The following SFSWAP variants were observed in gnomAD, a reference collection of about 807,000 sequenced individuals.
SFSWAP encodes the protein splicing factor SWAP.
SFSWAP carries 17 observed loss-of-function variants against 100.7 expected under a neutral mutation model. The ratio of observed to expected loss-of-function variants is 0.17; its 90% CI spans 0.12 to 0.25. SFSWAP has a LOEUF of 0.25. Among genes scored for constraint, SFSWAP ranks in the 10% least tolerant of loss-of-function variants. The pLI is 1.00. For synonymous variants in SFSWAP, 504 were observed against 510.1 expected (o/e 0.99, Z 0.16); for missense variants, 1,005 against 1,262.6 (o/e 0.80, Z 3.09).
chr12:131,764,806 TA>T, intron 12 of SFSWAP, 120 bp downstream of exon 12: 1 of 693,560 alleles, frequency 1.4e-6, no homozygotes, highest in Non-Finnish European at 2.5e-6. Context: ...GAAATCGACC[TA>T]TTTGGGAGTT....
intron 4 of SFSWAP, among the ~76,000 whole-genome samples, chr12:131,723,582 C>T (rs1406509741): frequency 6.6e-6 from 1 of 152,180 alleles, no homozygotes; most frequent in East Asian, 1.9e-4. Flanking sequence ...TCTCCCCTAA[C>T]CCCGTGAGGA....
intron 11 of SFSWAP, 119 bp downstream of exon 11, chr12:131,756,763 C>G (rs1882213620): frequency 1.2e-6 from 1 of 858,280 alleles, no homozygotes; most frequent in Admixed American, 3.0e-5. Context: ...TTGGCGGCCC[C>G]CTGGAGGTTG....
chr12:131,726,273 G>C lies in SFSWAP; in HGVS notation c.832+643G>C, dbSNP rs145387361. Among the ~76,000 whole-genome samples, 149 of 152,048 alleles carry C rather than the reference G, an allele frequency of 9.8e-4. 1 individual carries two copies. The highest frequency in any genetic ancestry group is 9.3e-3 in the Admixed American group (142 of 15,286). ...GGCTGGAGTGCAATGGCGTGAGCGC[G>C]ATCTTGGCTTACTGCAACCTCCGCC... On this transcript the variant is annotated intron_variant, in intron 5 of 17. Coordinates refer to ENST00000261674, the MANE Select transcript of SFSWAP (RefSeq NM_004592.4).
intron 13 of SFSWAP, among the ~76,000 whole-genome samples, chr12:131,776,458 T>C (rs928480375): frequency 1.3e-5 from 2 of 152,242 alleles, no homozygotes; most frequent in Non-Finnish European, 2.9e-5. Context: ...CATCTTAAAT[T>C]GGGGCCTGCC....
Position 131,711,201 on chromosome 12 carries a change from G to A in SFSWAP, c.-29G>A. ...CAGGGACGTCGCGCGGCACAGAAGA[G>A]GACCAGCCTGGACGCCGGGGACGCT... On this transcript the variant is annotated 5_prime_UTR_variant, in exon 1 of 18. Coordinates refer to ENST00000261674, the MANE Select transcript of SFSWAP (RefSeq NM_004592.4). The surrounding 1 kb of genome is among the most constrained non-coding windows in gnomAD (Gnocchi z 4.9). 1 of 1,548,574 alleles carries A rather than the reference G, an allele frequency of 6.5e-7. No individual in the cohort carries two copies. The highest frequency in any genetic ancestry group is 1.2e-5 in the South Asian group (1 of 84,598).
intron 3 of SFSWAP, 51 bp downstream of exon 3, chr12:131,715,004 C>T: frequency 6.2e-7 from 1 of 1,600,474 alleles, no homozygotes; most frequent in Non-Finnish European, 8.5e-7. Context: ...CGTGTACGCA[C>T]AGGCTGCATG....
rs1879376509 is a variant in SFSWAP at position 131,730,278 on chromosome 12, A to C, written c.1081+1850A>C. Among the ~76,000 whole-genome samples, 1 of 152,192 alleles carries C rather than the reference A, an allele frequency of 6.6e-6. No individual in the cohort carries two copies. Among genetic ancestry groups the C allele is most frequent in the Non-Finnish European group, 1.5e-5 (1 of 68,034 alleles). ...GCCCAGGATGCCTGCCCACTGAGGGACCATCCCTCTGCTTCCTCCTTTCCT... is the reference window on the plus strand; with the variant it reads ...GCCCAGGATGCCTGCCCACTGAGGGCCCATCCCTCTGCTTCCTCCTTTCCT... On this transcript the variant is annotated intron_variant, in intron 7 of 17. Coordinates refer to ENST00000261674, the MANE Select transcript of SFSWAP (RefSeq NM_004592.4). This position sits in a 1 kb window ranked among gnomAD's most constrained non-coding sequence, Gnocchi z 4.0.
intron 7 of SFSWAP, among the ~76,000 whole-genome samples, chr12:131,747,264 G>A (rs993708782): frequency 6.6e-6 from 1 of 152,176 alleles, no homozygotes; most frequent in Non-Finnish European, 1.5e-5. Flanking sequence ...GAGCCAGACA[G>A]TGACAGTGGA....
At chr12:131,791,747 A>G (rs1885242024) in intron 15 of SFSWAP, among the ~76,000 whole-genome samples, 1 of 152,264 alleles carries the variant, frequency 6.6e-6, no homozygotes, top group South Asian at 2.1e-4. Context: ...GTCTCAAAAA[A>G]CAAAAAGAAA....
chr12:131,776,625 T>C lies in SFSWAP; in HGVS notation c.2143-1440T>C, dbSNP rs371081389. Among the ~76,000 whole-genome samples, 175 of 152,318 alleles carry C rather than the reference T, an allele frequency of 1.1e-3. 7 individuals carry two copies. The South Asian group carries it at 0.034, about 29-fold the overall frequency. ...AGGGAGGGAAGCCCCCTTACCACTT[T>C]GCCTTTCACAGATGCCGTCCTGCGC... On this transcript the variant is annotated intron_variant, in intron 13 of 17. Coordinates refer to ENST00000261674, the MANE Select transcript of SFSWAP (RefSeq NM_004592.4).
chr12:131,773,076 G>A (rs1399399719), intron 13 of SFSWAP, among the ~76,000 whole-genome samples: 1 of 152,128 alleles, frequency 6.6e-6, no homozygotes, highest in African/African-American at 2.4e-5. Flanking sequence ...CACAGGATAG[G>A]GGGCAGAGCA....
rs1884239240 is a variant in SFSWAP at position 131,778,898 on chromosome 12, C to T, written c.2408+568C>T. On this transcript the variant is annotated intron_variant, in intron 14 of 17. Coordinates refer to ENST00000261674, the MANE Select transcript of SFSWAP (RefSeq NM_004592.4). The surrounding 1 kb of genome is among the most constrained non-coding windows in gnomAD (Gnocchi z 4.2). The stretch of plus-strand genomic sequence containing the variant: ...TTTAAATTCTAATGGTTCCTGGAAG[C>T]AAGCCTACCACATTTGCCGATTGTG... Among the ~76,000 whole-genome samples, 2 of 151,964 alleles carry T rather than the reference C, an allele frequency of 1.3e-5. No homozygotes were observed. Among genetic ancestry groups the T allele is most frequent in the Admixed American group, 1.3e-4 (2 of 15,268 alleles).
chr12:131,766,933 G>A (rs906189068), intron 13 of SFSWAP, among the ~76,000 whole-genome samples: 8 of 152,112 alleles, frequency 5.3e-5, no homozygotes, highest in Non-Finnish European at 1.2e-4. Context: ...GCTCCTGAGT[G>A]CCAAGGGGAT....
intron 11 of SFSWAP, among the ~76,000 whole-genome samples, chr12:131,762,307 A>C (rs935184258): frequency 6.6e-6 from 1 of 152,258 alleles, no homozygotes; most frequent in South Asian, 2.1e-4. Context: ...GCACTTCAGG[A>C]GGCTCAGGCA....
At chr12:131,751,711 A>G (rs929569702) in intron 7 of SFSWAP, among the ~76,000 whole-genome samples, 12 of 152,258 alleles carry the variant, frequency 7.9e-5, no homozygotes, top group Non-Finnish European at 1.5e-4. Context: ...TTGGTCCAGC[A>G]CATACTCTGC....
chr12:131,725,000 G>A (rs924558523), intron 4 of SFSWAP, among the ~76,000 whole-genome samples: 2 of 152,216 alleles, frequency 1.3e-5, no homozygotes, highest in African/African-American at 4.8e-5. Flanking sequence ...GAAGGAAAGA[G>A]CAGTGATTCT....
intron 9 of SFSWAP, among the ~76,000 whole-genome samples, 159 bp from the exon 10 acceptor site, chr12:131,755,227 C>T (rs1034554657): frequency 2.6e-5 from 4 of 152,140 alleles, no homozygotes; most frequent in Non-Finnish European, 5.9e-5. Context: ...GATTTCGACC[C>T]CCTGTGTGCA....
Position 131,728,243 on chromosome 12 carries a change from T to C in SFSWAP, c.946-50T>C, listed in dbSNP as rs756349766. The C allele has an allele frequency of 2.6e-5, 41 of 1,607,832 alleles. 1 individual carries two copies. The South Asian group carries it at 4.4e-4, about 17-fold the overall frequency. ...TGAGCCTTTTGCAGCAGAAGAGTTC[T>C]GCATGGTTCAGAATATTGAATGCTA... On this transcript the variant is annotated intron_variant, in intron 6 of 17. Coordinates refer to ENST00000261674, the MANE Select transcript of SFSWAP (RefSeq NM_004592.4).
chr12:131,713,104 C>T (rs1268664804), intron 1 of SFSWAP: 1 of 152,040 alleles, frequency 6.6e-6, no homozygotes, highest in Non-Finnish European at 1.5e-5. Context: ...TTTTGGTTCC[C>T]ATTACAAAAG....
Sources: allele counts gnomAD v4.1 joint callset (sites outside exome capture counted in the v4.1 genomes callset), GRCh38; gene constraint gnomAD v4.1.1; non-coding constraint Gnocchi (gnomAD v3.1); transcripts MANE v1.5; gene names NCBI Gene and HGNC (gene_info 2026-07-23, HGNC 2026-07-21).